CHST9: variants seen among roughly 807,000 people sequenced by gnomAD.
CHST9 encodes the protein carbohydrate sulfotransferase 9, also known as GalNAc-4-sulfotransferase 2.
Under a neutral mutation model 44.4 loss-of-function variants are expected in CHST9, and 41 were observed. That is an observed-to-expected ratio of 0.92 (90% CI 0.72 to 1.20). The LOEUF is 1.20. CHST9 is among the 50% of genes most tolerant of loss of function. CHST9 has a pLI of 0.00. For synonymous variants in CHST9, 171 were observed against 178.4 expected, an observed-to-expected ratio of 0.96 and a Z score of 0.33; for missense variants, 504 against 516.5, an observed-to-expected ratio of 0.98 and a Z score of 0.23.
intron 4 of CHST9, among the ~76,000 whole-genome samples, chr18:27,015,591 A>G (rs1265395314): frequency 1.3e-5 from 2 of 152,122 alleles, no homozygotes; most frequent in African/African-American, 4.8e-5. Context: ...ATATGTGTAC[A>G]TACTTCCTAA....
At chr18:27,149,320 G>A (rs1169359349) in intron 1 of CHST9, among the ~76,000 whole-genome samples, 1 of 152,010 alleles carries the variant, frequency 6.6e-6, no homozygotes, top group Non-Finnish European at 1.5e-5. Flanking sequence ...TTTTAGACAC[G>A]AAGTCTAATA....
chr18:27,146,981 C>T (rs1311303587), intron 1 of CHST9, among the ~76,000 whole-genome samples: 1 of 152,050 alleles, frequency 6.6e-6, no homozygotes, highest in Non-Finnish European at 1.5e-5. Flanking sequence ...TATTTTGGGA[C>T]TTAAGTATAG....
chr18:27,075,133 A>T (rs576079844), intron 2 of CHST9, among the ~76,000 whole-genome samples: 1 of 149,846 alleles, frequency 6.7e-6, no homozygotes, highest in East Asian at 2.0e-4. Flanking sequence ...AGCTCTTATG[A>T]GAGGGTTTTG....
At chr18:27,111,165 T>C (rs1011335690) in intron 2 of CHST9, among the ~76,000 whole-genome samples, 19 of 152,352 alleles carry the variant, frequency 1.2e-4, no homozygotes, top group African/African-American at 4.1e-4. Context: ...GTAACTTCTT[T>C]GATGTGAATG....
intron 2 of CHST9, among the ~76,000 whole-genome samples, chr18:27,135,791 G>A (rs1949656931): frequency 6.6e-6 from 1 of 151,642 alleles, no homozygotes; most frequent in Non-Finnish European, 1.5e-5. Flanking sequence ...GAGAACCACT[G>A]ATCTAACTGC....
chr18:27,025,796 A>G (rs908653258), intron 3 of CHST9, among the ~76,000 whole-genome samples: 3 of 152,190 alleles, frequency 2.0e-5, no homozygotes, highest in Non-Finnish European at 4.4e-5. Flanking sequence ...TAATGGTAGC[A>G]TGATTAAGGT....
chr18:27,146,369 T>C (rs992011264), intron 1 of CHST9, among the ~76,000 whole-genome samples: 1 of 152,186 alleles, frequency 6.6e-6, no homozygotes, highest in Non-Finnish European at 1.5e-5. Flanking sequence ...TTTTCTCCCA[T>C]CTCAGTCCAT....
chr18:27,013,211 T>C (rs1338906712), intron 4 of CHST9, among the ~76,000 whole-genome samples: 1 of 152,234 alleles, frequency 6.6e-6, no homozygotes, highest in Non-Finnish European at 1.5e-5. Flanking sequence ...TCTCATTCCA[T>C]GAACTTGTGT....
rs984301972 is a variant in CHST9, at chr18:26,912,696, T to A, written c.*3563A>T. The A allele has an allele frequency of 6.6e-6, 1 of 152,198 alleles. No individual in the cohort carries two copies. Among genetic ancestry groups the A allele is most frequent in the African/African-American group, 2.4e-5 (1 of 41,458 alleles). The allele number at this position is 152,198 out of a possible 1,614,324, so 9.4% of individuals were successfully genotyped here. ...ATAATATTACCTATGTTAGACTGGC[T>A]ATGGAGATTAAATTAATGCATGTAA... On this transcript the variant is annotated 3_prime_UTR_variant, in exon 6 of 6. Transcript: ENST00000618847.
chr18:26,962,937 C>G (rs1368483236), intron 4 of CHST9, among the ~76,000 whole-genome samples: 1 of 152,110 alleles, frequency 6.6e-6, no homozygotes, highest in African/African-American at 2.4e-5. Flanking sequence ...GGGATGAAGC[C>G]AGAGAAACAG....
At chr18:26,942,333 A>G (rs2056096200) in intron 5 of CHST9, among the ~76,000 whole-genome samples, 1 of 152,210 alleles carries the variant, frequency 6.6e-6, no homozygotes, top group Admixed American at 6.5e-5. Context: ...TAGAAATATA[A>G]GCAATGATTG....
intron 4 of CHST9, among the ~76,000 whole-genome samples, chr18:27,001,663 G>C (rs972774946): frequency 1.4e-5 from 2 of 140,172 alleles, no homozygotes; most frequent in Admixed American, 1.4e-4. Context: ...TGTTTGCTGG[G>C]CACACCCTTC....
At chr18:27,020,703 T>C (rs1423758868) in intron 4 of CHST9, among the ~76,000 whole-genome samples, 1 of 152,098 alleles carries the variant, frequency 6.6e-6, no homozygotes, top group Non-Finnish European at 1.5e-5. Flanking sequence ...AAAATAGGAG[T>C]CAATAACATG....
intron 4 of CHST9, among the ~76,000 whole-genome samples, chr18:26,993,271 C>T (rs549007058): frequency 3.3e-4 from 50 of 152,276 alleles, no homozygotes; most frequent in Middle Eastern, 3.4e-3. Context: ...AGTAAAAACA[C>T]TTAGGTACCA....
In CHST9 at chr18:26,949,882, C is replaced by G. The variant is rs564704184; in HGVS notation, c.203-5516G>C. On this transcript the variant is annotated intron_variant, in intron 4 of 5. Transcript: ENST00000618847. Reference sequence around the variant, plus strand: ...AGCAGGGGTCGGAGTAATGCCATTGCTGAAGAGGGCTGTGAGCCAAGTACT... The same window carrying G: ...AGCAGGGGTCGGAGTAATGCCATTGGTGAAGAGGGCTGTGAGCCAAGTACT... Among the ~76,000 whole-genome samples the G allele has an allele frequency of 5.3e-5, 8 of 152,214 alleles. No homozygotes were observed. In the East Asian group the frequency reaches 1.4e-3, roughly 26 times the overall value.
rs1472164532 is a variant in CHST9, at chr18:26,911,750, G to A, written c.*4509C>T. 6.6e-6 allele frequency: 1 copy of A among 152,176 alleles called. No individual in the cohort carries two copies. The highest frequency in any genetic ancestry group is 2.4e-5 in the African/African-American group (1 of 41,438). 9.4% of individuals were successfully genotyped at this position (152,176 alleles called of 1,614,324 possible). On this transcript the variant is annotated 3_prime_UTR_variant, in exon 6 of 6. Transcript: ENST00000618847. ...AAATTCTGAGAATGAAATGATATGA[G>A]GCAATGTTCTGTTGAACTCCCCAGA...
chr18:27,119,154 C>A (rs377261555), intron 2 of CHST9, among the ~76,000 whole-genome samples: 11 of 152,044 alleles, frequency 7.2e-5, no homozygotes, highest in East Asian at 5.8e-4. Flanking sequence ...CATTTCATCT[C>A]CCCTTTGGCC....
chr18:27,053,130 G>GGGAGAAGAAGAAGAA (rs2057589711), intron 2 of CHST9, among the ~76,000 whole-genome samples: 3 of 71,200 alleles, frequency 4.2e-5, no homozygotes, highest in Non-Finnish European at 8.0e-5. Context: ...AGGAAGAAGA[G>GGGAGAAGAAGAAGAA]GAAGAAGAAG....
At chr18:27,147,943 A>ACC (rs1370752754) in intron 1 of CHST9, among the ~76,000 whole-genome samples, 7 of 150,350 alleles carry the variant, frequency 4.7e-5, no homozygotes, top group African/African-American at 1.7e-4. Context: ...GGTTTGTTGT[A>ACC]CAGATTATTT....
Sources: allele counts gnomAD v4.1 joint callset (sites outside exome capture counted in the v4.1 genomes callset), GRCh38; gene constraint gnomAD v4.1.1; transcripts MANE v1.5; gene names NCBI Gene and HGNC (gene_info 2026-07-23, HGNC 2026-07-21).